Variants in DCP1B observed in about 807,000 individuals in gnomAD.
DCP1B encodes the protein decapping mRNA 1B.
DCP1B carries 47 observed loss-of-function variants against 60.5 expected under a neutral mutation model. That is an observed-to-expected ratio of 0.78 (90% CI 0.61 to 0.99). The LOEUF is 0.99. Among genes scored for constraint, DCP1B ranks in the 50% least tolerant of loss-of-function variants. The pLI is 0.00. For missense variants in DCP1B, 725 were observed against 756.8 expected, an observed-to-expected ratio of 0.96 and a Z score of 0.49; for synonymous variants, 267 against 280.3, an observed-to-expected ratio of 0.95 and a Z score of 0.47.
At chr12:1,967,949 C>A in intron 3 of DCP1B, 39 bp from the exon 4 acceptor site, 2 of 1,538,912 alleles carry the variant, frequency 1.3e-6, no homozygotes, top group East Asian at 2.3e-5. Flanking sequence ...TGAGCATCTT[C>A]AAAACTACAA....
intron 3 of DCP1B, chr12:1,992,034 C>G (rs2039550640): frequency 2.9e-6 from 1 of 341,222 alleles, no homozygotes; most frequent in African/African-American, 2.2e-5. Context: ...AAACTATAAA[C>G]AATTCAAACT....
At chr12:2,002,073 C>T (rs1052225026) in intron 1 of DCP1B, among the ~76,000 whole-genome samples, 1 of 152,198 alleles carries the variant, frequency 6.6e-6, no homozygotes, top group African/African-American at 2.4e-5. Context: ...CCAGTCATCA[C>T]ATAATCTTTC....
At chr12:1,983,692 T>C (rs1053459800) in intron 3 of DCP1B, among the ~76,000 whole-genome samples, 2 of 152,118 alleles carry the variant, frequency 1.3e-5, no homozygotes, top group African/African-American at 4.8e-5. Flanking sequence ...AGAACGTCCA[T>C]TCTGCTGTCA....
rs1169131002 is a variant in DCP1B, at chr12:1,962,717, C to T, written c.522+2841G>A. Among the ~76,000 whole-genome samples, 1 of 152,038 alleles carries T rather than the reference C, an allele frequency of 6.6e-6. No homozygotes were observed. Among genetic ancestry groups the T allele is most frequent in the Non-Finnish European group, 1.5e-5 (1 of 68,008 alleles). ...TTACTGTCTGAAGCTGAGATTAAGG[C>T]ATCTCTGTCCAGGCCATACAATAGA... On this transcript the variant is annotated intron_variant, in intron 5 of 8. Coordinates refer to ENST00000280665, the MANE Select transcript of DCP1B (RefSeq NM_152640.5). The surrounding 1 kb of genome is among the most constrained non-coding windows in gnomAD (Gnocchi z 4.4).
At position 2,004,423 on chromosome 12, in the gene DCP1B, G is replaced by C. The variant is rs200127830; in HGVS notation, c.9C>G (p.Ala3=). The change falls in exon 1 of 9, where the codon GCC becomes GCG. Residue 3 remains alanine, a synonymous_variant. Coordinates refer to ENST00000280665, the MANE Select transcript of DCP1B (RefSeq NM_152640.5). ...TTCCCACCAGGCCGCCTGCCGCCACGGCTGCCATCTTCCCTCCCTCCCAGA... is the reference window on the plus strand; with the variant it reads ...TTCCCACCAGGCCGCCTGCCGCCACCGCTGCCATCTTCCCTCCCTCCCAGA... MA[A]VAAGGLVGKG... 6.2e-6 allele frequency: 10 copies of C among 1,609,640 alleles called. No homozygotes were observed. In the East Asian group the frequency reaches 2.0e-4, roughly 32 times the overall value.
intron 5 of DCP1B, among the ~76,000 whole-genome samples, chr12:1,959,594 G>A (rs1373647100): frequency 6.6e-6 from 1 of 152,186 alleles, no homozygotes; most frequent in African/African-American, 2.4e-5. Context: ...ATAAGTGGTG[G>A]CAAGGATGTA....
rs1164049971 is a variant in DCP1B at position 1,952,429 on chromosome 12, G to A, written c.1511C>T (p.Thr504Ile). 1 of 1,582,524 alleles carries A rather than the reference G, an allele frequency of 6.3e-7. No individual in the cohort carries two copies. The highest frequency in any genetic ancestry group is 1.4e-5 in the African/African-American group (1 of 73,656). The change falls in exon 7 of 9, where the codon ACT (threonine) becomes ATT (isoleucine). Residue 504 changes from threonine to isoleucine, a missense_variant. By Grantham distance (89) the Thr-to-Ile change is moderately conservative. Transcript: ENST00000280665. ...GTACATATTTACCTGGAAAAGAGGA[G>A]TCTGCTGTTCTGTGTTGGGTGTCTT... ...INKTPNTEQQTPLFQVISPQR... is the reference protein window; with the variant it reads ...INKTPNTEQQIPLFQVISPQR...
chr12:1,994,326 G>A (rs1474093431), intron 2 of DCP1B, among the ~76,000 whole-genome samples: 1 of 152,220 alleles, frequency 6.6e-6, no homozygotes, highest in Non-Finnish European at 1.5e-5. Context: ...AATGTTATGA[G>A]CAACAGGAAG....
Position 1,946,232 on chromosome 12 carries a change from G to A in DCP1B, c.1828C>T (p.Gln610Ter). The stretch of plus-strand genomic sequence containing the variant: ...CACATAGTCTTTTTCATGGCTGCTT[G>A]AGTCATGCTGAAGAGATAGGCTTCA... ...IYEAYLFSMT[Q>*]AAMKKTM Residue 610 changes from glutamine (Q) to a stop codon, truncating the protein, a stop_gained, in exon 9 of 9, where the codon CAA becomes TAA. Transcript: ENST00000280665. LOFTEE classifies it high-confidence loss of function. 1 of 1,607,086 alleles carries A rather than the reference G, an allele frequency of 6.2e-7. No homozygotes were observed. Among genetic ancestry groups the A allele is most frequent in the East Asian group, 2.2e-5 (1 of 44,672 alleles).
chr12:1,950,097 A>AT lies in DCP1B; in HGVS notation c.1525-764dup, dbSNP rs1389351285. The AT allele has an allele frequency of 3.1e-5, 16 of 515,852 alleles. No homozygotes were observed. The East Asian group carries it at 4.4e-4, about 14-fold the overall frequency. 32.0% of individuals were successfully genotyped at this position (515,852 alleles called of 1,614,324 possible). ...TAACTCAGGGAAGAAAAAGAATGTT[A>AT]TTTATCAGCCTCCGAACTCCCCGAA... On this transcript the variant is annotated intron_variant, in intron 7 of 8. Coordinates refer to ENST00000280665, the MANE Select transcript of DCP1B (RefSeq NM_152640.5).
chr12:1,969,752 G>A lies in DCP1B; in HGVS notation c.320-1842C>T, dbSNP rs181945578. Reference sequence around the variant, plus strand: ...CCTACACTAACCTGCATACCCTCACGTTCTTGAAGTCAAAGCAGATTGGAT... The same window carrying A: ...CCTACACTAACCTGCATACCCTCACATTCTTGAAGTCAAAGCAGATTGGAT... On this transcript the variant is annotated intron_variant, in intron 3 of 8. Transcript: ENST00000280665. Among the ~76,000 whole-genome samples, 381 of 152,016 alleles carry A rather than the reference G, an allele frequency of 2.5e-3. 3 individuals are homozygous for A. The highest frequency in any genetic ancestry group is 8.5e-3 in the African/African-American group (352 of 41,434).
At chr12:1,969,592 G>A (rs946214770) in intron 3 of DCP1B, among the ~76,000 whole-genome samples, 10 of 134,680 alleles carry the variant, frequency 7.4e-5, no homozygotes, top group Non-Finnish European at 1.6e-4. Context: ...TGAAGCCCAT[G>A]TGCTATGAGA....
intron 3 of DCP1B, among the ~76,000 whole-genome samples, chr12:1,979,773 T>C (rs1053842271): frequency 2.6e-5 from 4 of 152,222 alleles, no homozygotes; most frequent in Admixed American, 1.3e-4. Context: ...ACATCCTCAT[T>C]AACACTTGTC....
In DCP1B at chr12:1,952,489, G is replaced by C; in HGVS notation, c.1451C>G (p.Ser484Cys). The C allele has an allele frequency of 2.5e-6, 4 of 1,613,946 alleles. No individual in the cohort carries two copies. The highest frequency in any genetic ancestry group is 1.1e-5 in the South Asian group (1 of 91,048). ...GGATTCCAAGGGTTTCCCTGTTCCA[G>C]AGCTCTGAGCGAGCACAGGAAACTT... ...AAKFPVLAQS[S>C]GTGKPLESWI... The change falls in exon 7 of 9, where the codon TCT (serine) becomes TGT (cysteine). Residue 484 changes from serine (S) to cysteine (C), a missense_variant. Transcript: ENST00000280665.
intron 3 of DCP1B, among the ~76,000 whole-genome samples, chr12:1,976,835 G>A (rs1478145638): frequency 7.0e-6 from 1 of 142,518 alleles, no homozygotes; most frequent in African/African-American, 2.5e-5. Context: ...AAATATATTT[G>A]AGGAAAGGGG....
chr12:1,975,163 T>C (rs1047900146), intron 3 of DCP1B, among the ~76,000 whole-genome samples: 22 of 152,300 alleles, frequency 1.4e-4, no homozygotes, highest in African/African-American at 4.6e-4. Context: ...TCTGTGAATA[T>C]AGACATAGGA....
At chr12:1,981,580 CAT>C (rs1362255857) in intron 3 of DCP1B, among the ~76,000 whole-genome samples, 43 of 152,278 alleles carry the variant, frequency 2.8e-4, no homozygotes, top group African/African-American at 7.2e-4. Context: ...TATATGTTTA[CAT>C]GTCTGTCTTT....
rs778143313 is a variant in DCP1B at position 1,993,263 on chromosome 12, C to T, written c.319+1G>A. ...AACCCACTGTAGTAAGAAAGACTCA[C>T]ATCTGGCATTTCTGTAGAGAAGGAA... On this transcript the variant is annotated splice_donor_variant, in intron 3 of 8. Coordinates refer to ENST00000280665, the MANE Select transcript of DCP1B (RefSeq NM_152640.5). LOFTEE classifies it high-confidence loss of function. 4 of 1,614,102 alleles carry T rather than the reference C, an allele frequency of 2.5e-6. No homozygotes were observed. The highest frequency in any genetic ancestry group is 1.7e-5 in the Admixed American group (1 of 60,020).
At chr12:1,990,707 A>G (rs2039147500) in intron 3 of DCP1B, among the ~76,000 whole-genome samples, 1 of 152,212 alleles carries the variant, frequency 6.6e-6, no homozygotes, top group Non-Finnish European at 1.5e-5. Flanking sequence ...ATCTTGAGGA[A>G]ATAGTCTTAC....
Sources: allele counts gnomAD v4.1 joint callset (sites outside exome capture counted in the v4.1 genomes callset), GRCh38; gene constraint gnomAD v4.1.1; non-coding constraint Gnocchi (gnomAD v3.1); transcripts MANE v1.5; gene names NCBI Gene and HGNC (gene_info 2026-07-23, HGNC 2026-07-21).